ERP44: variants seen among roughly 807,000 people sequenced by gnomAD.
ERP44 encodes the protein endoplasmic reticulum resident protein 44.
In ERP44, 25 loss-of-function variants were observed where a neutral mutation model predicts 53.4. The ratio of observed to expected loss-of-function variants is 0.47; its 90% CI spans 0.34 to 0.65. The LOEUF (loss-of-function observed/expected upper bound fraction) is 0.65, where lower values mean the gene tolerates loss of function less well. Among genes scored for constraint, ERP44 ranks in the 30% least tolerant of loss-of-function variants. ERP44 has a pLI of 0.01. For missense variants in ERP44, 338 were observed against 493.2 expected (o/e 0.69, Z 2.98); for synonymous variants, 145 against 161.2 (o/e 0.90, Z 0.76).
chr9:100,052,527 C>T lies in ERP44; in HGVS notation c.176G>A (p.Arg59His). 7 of 1,593,572 alleles carry T rather than the reference C, an allele frequency of 4.4e-6. No homozygotes were observed. Among genetic ancestry groups the T allele is most frequent in the Non-Finnish European group, 2.6e-6 (3 of 1,162,742 alleles). The change falls in exon 4 of 12, where the codon CGT becomes CAT. Residue 59 changes from arginine (R) to histidine (H), a missense_variant. By Grantham distance (29) the Arg-to-His change is conservative. Around this residue, in one of 3 missense-constraint regions of ERP44, gnomAD observed 224 missense variants for 301.4 expected, o/e 0.74. Transcript: ENST00000262455. ...AATTGGATGCAACATCTGACTGAAA[C>T]GACACCTATACACAGAGAAGGATGC... is the stretch of plus-strand genomic sequence containing the variant. ...ALVNFYADWC[R>H]FSQMLHPIFE...
intron 11 of ERP44, 88 bp from the exon 12 acceptor site, chr9:99,982,801 C>G: frequency 1.6e-6 from 1 of 630,738 alleles, no homozygotes; most frequent in Non-Finnish European, 2.5e-6. Flanking sequence ...AATAGTAGTT[C>G]CCCTATAATT....
intron 10 of ERP44, chr9:99,999,139 C>T (rs1372907863): frequency 3.7e-5 from 21 of 574,072 alleles, no homozygotes; most frequent in East Asian, 6.1e-5. Flanking sequence ...CAGTGTACCG[C>T]GCTGGGAGGC....
At chr9:100,039,766 C>G (rs1175377615) in intron 4 of ERP44, among the ~76,000 whole-genome samples, 2 of 151,742 alleles carry the variant, frequency 1.3e-5, no homozygotes, top group South Asian at 2.1e-4. Flanking sequence ...ACAAAATTGA[C>G]AAACCTTTAG....
At position 100,095,998 on chromosome 9, in the gene ERP44, G is replaced by A. The variant is rs181319082; in HGVS notation, c.57+2786C>T. On this transcript the variant is annotated intron_variant, in intron 1 of 11. Transcript: ENST00000262455. The stretch of plus-strand genomic sequence containing the variant: ...ACTACCTATACATATTGAACAAACC[G>A]AGAACAACAATGGCAAAACCCTTAA... Among the ~76,000 whole-genome samples the A allele has an allele frequency of 4.6e-5, 7 of 151,866 alleles. No individual in the cohort carries two copies. In the South Asian group the frequency reaches 6.2e-4, roughly 14 times the overall value.
intron 1 of ERP44, among the ~76,000 whole-genome samples, chr9:100,074,041 G>C (rs1826332310): frequency 6.6e-6 from 1 of 152,080 alleles, no homozygotes; most frequent in Admixed American, 6.6e-5. Context: ...AAACAATACT[G>C]CTCAAAATAT....
chr9:100,061,925 A>C (rs2118719773), intron 1 of ERP44, among the ~76,000 whole-genome samples: 1 of 152,316 alleles, frequency 6.6e-6, no homozygotes, highest in South Asian at 2.1e-4. Context: ...GCATTTGAGG[A>C]AATAGCAGAA....
intron 4 of ERP44, among the ~76,000 whole-genome samples, chr9:100,028,039 TA>T: frequency 6.6e-6 from 1 of 152,334 alleles, no homozygotes; most frequent in African/African-American, 2.4e-5. Flanking sequence ...TCTATGCACA[TA>T]AAGTCTTCAC....
chr9:99,983,931 T>C (rs1830173611), intron 11 of ERP44, among the ~76,000 whole-genome samples: 2 of 152,224 alleles, frequency 1.3e-5, no homozygotes, highest in South Asian at 4.1e-4. Context: ...AATGAGGAAA[T>C]TGAAACAAAT....
intron 10 of ERP44, chr9:99,998,699 A>G (rs559844011): frequency 5.5e-6 from 4 of 727,976 alleles, no homozygotes; most frequent in South Asian, 3.1e-5. Flanking sequence ...CTTCTCTGCA[A>G]TTTTCTTCGG....
chr9:100,036,256 T>C (rs1825847684), intron 4 of ERP44, among the ~76,000 whole-genome samples: 1 of 152,146 alleles, frequency 6.6e-6, no homozygotes, highest in South Asian at 2.1e-4. Flanking sequence ...TGTCCATCAA[T>C]GGCAGACTGA....
intron 4 of ERP44, among the ~76,000 whole-genome samples, chr9:100,051,699 TGA>T (rs113900023): frequency 2.6e-5 from 4 of 151,938 alleles, no homozygotes; most frequent in African/African-American, 9.6e-5. Flanking sequence ...TTTAGCACGA[TGA>T]GAGAGGAAAG....
At chr9:100,068,402 GGCC>G in intron 1 of ERP44, among the ~76,000 whole-genome samples, 3 of 45,462 alleles carry the variant, frequency 6.6e-5, no homozygotes, top group Non-Finnish European at 1.5e-4. Context: ...CCCCCTGCCC[GGCC>G]AGCCGCCGGG....
chr9:100,025,040 T>C (rs1329119676), intron 4 of ERP44, among the ~76,000 whole-genome samples: 2 of 152,132 alleles, frequency 1.3e-5, no homozygotes, highest in African/African-American at 4.8e-5. Context: ...GGCAGGAGGT[T>C]TGCTCGAGCC....
intron 10 of ERP44, among the ~76,000 whole-genome samples, chr9:99,996,370 G>A (rs552261987): frequency 6.6e-6 from 1 of 152,042 alleles, no homozygotes; most frequent in Non-Finnish European, 1.5e-5. Flanking sequence ...TCTCTGCCAC[G>A]TTTTAAGGCA....
rs1342843525 is a variant in ERP44, at chr9:100,081,462, A to G, written c.57+17322T>C. ...GAAATTATGGGAGATACAAGTAGAA[A>G]GAGAAATGAATCTGTAACATAAATT... On this transcript the variant is annotated intron_variant, in intron 1 of 11. Coordinates refer to ENST00000262455, the MANE Select transcript of ERP44 (RefSeq NM_015051.3). Among the ~76,000 whole-genome samples the G allele has an allele frequency of 3.3e-5, 5 of 152,172 alleles. No individual in the cohort carries two copies. The East Asian group carries it at 9.6e-4, about 29-fold the overall frequency.
At chr9:100,014,731 C>A (rs1207180984) in intron 8 of ERP44, among the ~76,000 whole-genome samples, 2 of 152,262 alleles carry the variant, frequency 1.3e-5, no homozygotes, top group Non-Finnish European at 2.9e-5. Context: ...TGTGCTACAA[C>A]TGCAAAGCTG....
At chr9:100,097,424 C>G (rs904628273) in intron 1 of ERP44, among the ~76,000 whole-genome samples, 1 of 151,910 alleles carries the variant, frequency 6.6e-6, no homozygotes, top group Non-Finnish European at 1.5e-5. Flanking sequence ...GATTAGTATC[C>G]AGTCTTCTTA....
chr9:100,054,521 C>T (rs935361803), intron 3 of ERP44, among the ~76,000 whole-genome samples: 1 of 152,186 alleles, frequency 6.6e-6, no homozygotes, highest in African/African-American at 2.4e-5. Context: ...AAAATAGGAC[C>T]TGTCTTAATA....
At chr9:100,031,649 G>T (rs920607355) in intron 4 of ERP44, among the ~76,000 whole-genome samples, 3 of 152,142 alleles carry the variant, frequency 2.0e-5, no homozygotes, top group African/African-American at 7.2e-5. Context: ...CATTTGGCCT[G>T]GCTAAAGTCA....
Sources: allele counts gnomAD v4.1 joint callset (sites outside exome capture counted in the v4.1 genomes callset), GRCh38; gene constraint gnomAD v4.1.1; regional missense constraint gnomAD v4.1.1; transcripts MANE v1.5; gene names NCBI Gene and HGNC (gene_info 2026-07-23, HGNC 2026-07-21).